Variants in HPSE2 observed in about 807,000 individuals in gnomAD.
HPSE2 encodes heparanase 2 (inactive).
In HPSE2, 38 loss-of-function variants were observed where a neutral mutation model predicts 60.5. The ratio of observed to expected loss-of-function variants is 0.63; its 90% CI spans 0.48 to 0.82. The LOEUF (loss-of-function observed/expected upper bound fraction) is 0.82. Ranked by LOEUF, HPSE2 falls within the 40% of genes least tolerant of loss-of-function variation. HPSE2 has a pLI of 0.00. For synonymous variants in HPSE2, 295 were observed against 293.2 expected, an observed-to-expected ratio of 1.01 and a Z score of -0.06; for missense variants, 713 against 740.4, an observed-to-expected ratio of 0.96 and a Z score of 0.43.
intron 9 of HPSE2, among the ~76,000 whole-genome samples, chr10:98,604,397 A>G (rs905802473): frequency 2.0e-5 from 3 of 152,198 alleles, no homozygotes; most frequent in African/African-American, 7.2e-5. Flanking sequence ...ATGGCTGAGG[A>G]AATAATCTCT....
intron 3 of HPSE2, among the ~76,000 whole-genome samples, chr10:98,960,777 T>C (rs965396661): frequency 7.0e-6 from 1 of 143,130 alleles, no homozygotes; most frequent in Non-Finnish European, 1.5e-5. Flanking sequence ...TTAGGGTACA[T>C]GTGCATATTG....
At chr10:99,100,862 T>C (rs976550244) in intron 3 of HPSE2, among the ~76,000 whole-genome samples, 6 of 152,210 alleles carry the variant, frequency 3.9e-5, no homozygotes, top group Admixed American at 3.3e-4. Flanking sequence ...AAAAGAATTT[T>C]CAACCCAGAA....
intron 3 of HPSE2, among the ~76,000 whole-genome samples, chr10:98,943,996 A>G (rs892487411): frequency 3.3e-5 from 5 of 152,186 alleles, no homozygotes; most frequent in Non-Finnish European, 7.3e-5. Flanking sequence ...AGAAATAGAT[A>G]TCTAATAAAA....
rs565478750 is a variant in HPSE2, at chr10:98,990,030, A to G, written c.610+154208T>C. Among the ~76,000 whole-genome samples the G allele has an allele frequency of 8.5e-5, 13 of 152,304 alleles. No homozygotes were observed. The East Asian group carries it at 2.5e-3, about 29-fold the overall frequency. ...TGCACAGTGTTAGAAAGAGGCGCAA[A>G]CAAAAGAAGTAAAAAAAGTAATGGG... On this transcript the variant is annotated intron_variant, in intron 3 of 11. Transcript: ENST00000370552.
chr10:98,987,590 G>C (rs532806312), intron 3 of HPSE2, among the ~76,000 whole-genome samples: 21 of 152,284 alleles, frequency 1.4e-4, no homozygotes, highest in African/African-American at 4.8e-4. Context: ...GCACAAGACA[G>C]GGATGCCCTC....
At chr10:98,907,018 C>T (rs371632178) in intron 3 of HPSE2, among the ~76,000 whole-genome samples, 14 of 152,256 alleles carry the variant, frequency 9.2e-5, no homozygotes, top group African/African-American at 2.6e-4. Context: ...GAACTAGGCA[C>T]GCACGTAATC....
At chr10:99,132,231 G>GAA (rs1845461610) in intron 3 of HPSE2, among the ~76,000 whole-genome samples, 30 of 35,840 alleles carry the variant, frequency 8.4e-4, no homozygotes, top group East Asian at 3.9e-3. Context: ...GAGAGAGAGA[G>GAA]AGAGAGAGAG....
intron 9 of HPSE2, among the ~76,000 whole-genome samples, chr10:98,527,890 G>C (rs532971646): frequency 2.6e-5 from 4 of 152,222 alleles, no homozygotes; most frequent in South Asian, 2.1e-4. Flanking sequence ...TCATTCCTAG[G>C]GGGGATATCT....
the HPSE2 span, among the ~76,000 whole-genome samples, chr10:99,274,429 A>T: frequency 3.7e-4 from 57 of 152,010 alleles, 1 homozygote; most frequent in Admixed American, 1.1e-3. Flanking sequence ...AGTAAAATTT[A>T]AAAAAAACCC....
At position 98,490,052 on chromosome 10, in the gene HPSE2, T is replaced by G; in HGVS notation, c.1465A>C (p.Asn489His). Residue 489 changes from asparagine (N) to histidine (H), a missense_variant and splice_region_variant, in exon 10 of 12, where the codon AAC (asparagine) becomes CAC (histidine). Physicochemically the swap from Asn to His is moderately conservative, Grantham distance 68 (BLOSUM62 1). Coordinates refer to ENST00000370552, the MANE Select transcript of HPSE2 (RefSeq NM_021828.5). ...RIYAHCTNHHNHNYVRGSITL... is the reference protein window; with the variant it reads ...RIYAHCTNHHHHNYVRGSITL... ...TCTGCCATCTTTCTGAGGACTTACT[T>G]GTGGTGGTTTGTGCAGTGAGCATAA... The G allele has an allele frequency of 1.2e-6, 2 of 1,612,766 alleles. No homozygotes were observed.
At chr10:99,168,835 A>G (rs957356621) in intron 2 of HPSE2, among the ~76,000 whole-genome samples, 1 of 152,216 alleles carries the variant, frequency 6.6e-6, no homozygotes, top group African/African-American at 2.4e-5. Flanking sequence ...TTTCACCATT[A>G]AACATAAAAA....
At chr10:98,972,306 G>C (rs909028440) in intron 3 of HPSE2, among the ~76,000 whole-genome samples, 1 of 151,778 alleles carries the variant, frequency 6.6e-6, no homozygotes, top group Non-Finnish European at 1.5e-5. Flanking sequence ...GTTGATTACA[G>C]ACATAGCAAA....
chr10:98,751,844 T>C (rs1949765538), intron 3 of HPSE2, among the ~76,000 whole-genome samples: 1 of 152,188 alleles, frequency 6.6e-6, no homozygotes, highest in African/African-American at 2.4e-5. Flanking sequence ...TATTGAGCTA[T>C]GAAGAAGCTT....
chr10:98,725,298 C>T (rs375818128), intron 4 of HPSE2, among the ~76,000 whole-genome samples: 17 of 152,116 alleles, frequency 1.1e-4, no homozygotes, highest in Middle Eastern at 3.4e-3. Flanking sequence ...GAGATATAGA[C>T]CAATGGAACA....
intron 9 of HPSE2, among the ~76,000 whole-genome samples, chr10:98,597,423 G>A (rs1420871010): frequency 6.6e-6 from 1 of 151,904 alleles, no homozygotes; most frequent in African/African-American, 2.4e-5. Flanking sequence ...CCAGCACTTT[G>A]GAAGGCCAAG....
intron 6 of HPSE2, among the ~76,000 whole-genome samples, chr10:98,647,095 C>G (rs1296126483): frequency 6.6e-6 from 1 of 152,180 alleles, no homozygotes; most frequent in Non-Finnish European, 1.5e-5. Context: ...CCAGTCAAAG[C>G]ATCTTACTCT....
At chr10:98,955,447 G>A (rs189493477) in intron 3 of HPSE2, among the ~76,000 whole-genome samples, 1 of 152,260 alleles carries the variant, frequency 6.6e-6, no homozygotes, top group East Asian at 1.9e-4. Context: ...TTATTAGAAA[G>A]TTAAGAAACA....
chr10:98,479,499 G>A (rs1183153169), intron 11 of HPSE2, among the ~76,000 whole-genome samples: 5 of 152,272 alleles, frequency 3.3e-5, no homozygotes, highest in East Asian at 3.9e-4. Flanking sequence ...GACCCCCATC[G>A]CAGACCACTC....
At chr10:99,281,892 C>T in the HPSE2 span, among the ~76,000 whole-genome samples, 1 of 151,858 alleles carries the variant, frequency 6.6e-6, no homozygotes, top group African/African-American at 2.4e-5. Flanking sequence ...ATATCCCATG[C>T]AAACAGTAAC....
Sources: allele counts gnomAD v4.1 joint callset (sites outside exome capture counted in the v4.1 genomes callset), GRCh38; gene constraint gnomAD v4.1.1; transcripts MANE v1.5; gene names NCBI Gene and HGNC (gene_info 2026-07-23, HGNC 2026-07-21).